Variants in HNRNPM observed in about 807,000 individuals in gnomAD.
The protein encoded by HNRNPM is heterogeneous nuclear ribonucleoprotein M, also known as CEA receptor.
In HNRNPM, 11 loss-of-function variants were observed where a neutral mutation model predicts 73.1. The observed-to-expected ratio is 0.15, with a 90% CI of 0.09 to 0.25. The LOEUF (loss-of-function observed/expected upper bound fraction) is 0.25, where lower values mean the gene tolerates loss of function less well. Ranked by LOEUF, HNRNPM falls within the 10% of genes least tolerant of loss-of-function variation. HNRNPM has a pLI of 1.00. For synonymous variants in HNRNPM, 407 were observed against 355.2 expected (o/e 1.15, Z -1.64); for missense variants, 789 against 1,067.9 (o/e 0.74, Z 3.64).
intron 12 of HNRNPM, chr19:8,481,697 C>T (rs1970926900): frequency 6.6e-6 from 1 of 152,178 alleles, no homozygotes; most frequent in Admixed American, 6.6e-5. Context: ...AACTTAAAAA[C>T]CATGGTTTCA....
intron 3 of HNRNPM, among the ~76,000 whole-genome samples, chr19:8,463,057 G>C (rs1158109787): frequency 6.6e-6 from 1 of 152,170 alleles, no homozygotes; most frequent in African/African-American, 2.4e-5. Flanking sequence ...AATTGGCCTA[G>C]TTTAAAGAGA....
intron 12 of HNRNPM, among the ~76,000 whole-genome samples, chr19:8,477,455 C>G (rs542343444): frequency 6.6e-6 from 1 of 151,866 alleles, no homozygotes; most frequent in Non-Finnish European, 1.5e-5. Context: ...CTCAGGAGTT[C>G]AAGACCAGCC....
At chr19:8,468,711 T>G in intron 8 of HNRNPM, 63 bp from the exon 9 acceptor site, 1 of 1,296,250 alleles carries the variant, frequency 7.7e-7, no homozygotes, top group Non-Finnish European at 1.1e-6. Context: ...CATTTCAGTC[T>G]TTTGCTGTTG....
intron 15 of HNRNPM, 36 bp from the exon 16 acceptor site, chr19:8,488,655 G>A: frequency 6.3e-7 from 1 of 1,587,508 alleles, no homozygotes; most frequent in East Asian, 2.2e-5. Flanking sequence ...ACAAAATCGG[G>A]ACTGAGTGTC....
At chr19:8,453,835 G>T (rs1968801585) in intron 1 of HNRNPM, among the ~76,000 whole-genome samples, 1 of 152,186 alleles carries the variant, frequency 6.6e-6, no homozygotes, top group Admixed American at 6.5e-5. Context: ...GTCAGCCAGT[G>T]CCCGGGCTTC....
intron 5 of HNRNPM, 114 bp downstream of exon 5, chr19:8,463,800 CTGT>C (rs1847876337): frequency 5.8e-6 from 4 of 690,356 alleles, no homozygotes; most frequent in Non-Finnish European, 7.4e-6. Context: ...AAGTGCCAGC[CTGT>C]TGTTTCTAAT....
chr19:8,446,677 A>T (rs1311375545), intron 1 of HNRNPM, among the ~76,000 whole-genome samples: 1 of 152,182 alleles, frequency 6.6e-6, no homozygotes, highest in Non-Finnish European at 1.5e-5. Flanking sequence ...TGCTGAAGTT[A>T]CAGGCATGAG....
Position 8,466,306 on chromosome 19 carries a change from C to T in HNRNPM, c.702C>T (p.Asp234=). The T allele has an allele frequency of 6.2e-7, 1 of 1,614,058 alleles. No individual in the cohort carries two copies. The highest frequency in any genetic ancestry group is 8.5e-7 in the Non-Finnish European group (1 of 1,179,980). ...FSMAGVVVRA[D]ILEDKDGKSR... is the part of the protein sequence containing the mutation. ...TGGCTGGTGTGGTGGTCCGAGCAGA[C>T]ATTCTTGAAGATAAAGATGGAAAAA... The change falls in exon 7 of 16, where the codon GAC becomes GAT. Residue 234 remains aspartate (D), a synonymous_variant. Coordinates refer to ENST00000325495, the MANE Select transcript of HNRNPM (RefSeq NM_005968.5).
chr19:8,474,262 T>C lies in HNRNPM; in HGVS notation c.1120+18T>C. On this transcript the variant is annotated intron_variant, in intron 12 of 15. Transcript: ENST00000325495. ...GATAAATGGTAAGCATCGTGTTTTCTTCCTGCTTTCACTCACCCTTTGCCG... is the reference window on the plus strand; with the variant it reads ...GATAAATGGTAAGCATCGTGTTTTCCTCCTGCTTTCACTCACCCTTTGCCG... The C allele has an allele frequency of 6.4e-7, 1 of 1,554,480 alleles. No homozygotes were observed. The highest frequency in any genetic ancestry group is 1.2e-5 in the South Asian group (1 of 83,050).
At chr19:8,463,916 G>T (rs543153329) in intron 5 of HNRNPM, 13 of 499,774 alleles carry the variant, frequency 2.6e-5, no homozygotes, top group Non-Finnish European at 4.7e-5. Flanking sequence ...TAATATCTGT[G>T]ATTTGTCTGA....
At chr19:8,468,175 T>C (rs915629899) in intron 8 of HNRNPM, among the ~76,000 whole-genome samples, 6 of 152,354 alleles carry the variant, frequency 3.9e-5, no homozygotes, top group Admixed American at 3.9e-4. Context: ...TTTCAAAGAA[T>C]GGTTATATAT....
rs758037388 is a variant in HNRNPM, at chr19:8,488,662, T to TGTC, written c.2030-25_2030-23dup. 2.3e-5 allele frequency: 36 copies of TGTC among 1,593,524 alleles called. No individual in the cohort carries two copies. The Admixed American group carries it at 6.1e-4, about 27-fold the overall frequency. On this transcript the variant is annotated intron_variant, in intron 15 of 15. Transcript: ENST00000325495. ...AAAATCTAACAAAATCGGGACTGAG[T>TGTC]GTCGTCTCTTCTTCCCTCCCTGTCC... is the stretch of plus-strand genomic sequence containing the variant.
Position 8,486,129 on chromosome 19 carries a change from C to T in HNRNPM, c.1701C>T (p.Gly567=). 1 of 1,606,282 alleles carries T rather than the reference C, an allele frequency of 6.2e-7. No individual in the cohort carries two copies. Among genetic ancestry groups the T allele is most frequent in the Non-Finnish European group, 8.5e-7 (1 of 1,179,506 alleles). ...GCGCCAACAATCTGGAGCGGATGGGCCTGGAGCGCATGGGCGCCAACAGCC... is the reference window on the plus strand; with the variant it reads ...GCGCCAACAATCTGGAGCGGATGGGTCTGGAGCGCATGGGCGCCAACAGCC... The part of the protein sequence containing the change: ...RMGANNLERM[G]LERMGANSLE... The change falls in exon 14 of 16, where the codon GGC becomes GGT. Residue 567 remains glycine, a synonymous_variant. Transcript: ENST00000325495.
chr19:8,459,883 A>G (rs1469967762), intron 2 of HNRNPM, among the ~76,000 whole-genome samples: 2 of 152,256 alleles, frequency 1.3e-5, no homozygotes, highest in Non-Finnish European at 2.9e-5. Flanking sequence ...ATAGAGGTAG[A>G]TAACAGTTGG....
At chr19:8,477,401 T>C (rs1970583578) in intron 12 of HNRNPM, among the ~76,000 whole-genome samples, 1 of 152,104 alleles carries the variant, frequency 6.6e-6, no homozygotes. Flanking sequence ...CTCACACCTG[T>C]TATCCCAACA....
In HNRNPM at chr19:8,485,802, C is replaced by T. The variant is rs1339938631; in HGVS notation, c.1374C>T (p.Gly458=). 1.2e-6 allele frequency: 2 copies of T among 1,603,468 alleles called. No individual in the cohort carries two copies. The highest frequency in any genetic ancestry group is 2.2e-5 in the East Asian group (1 of 44,746). Residue 458 remains glycine, a synonymous_variant, in exon 14 of 16, where the codon GGC becomes GGT. Transcript: ENST00000325495. The part of the protein sequence containing the change: ...ERMGSGIERM[G]PLGLDHMASS... ...TGGGCTCCGGCATTGAGCGCATGGG[C>T]CCGCTGGGCCTCGACCACATGGCCT...
intron 2 of HNRNPM, among the ~76,000 whole-genome samples, chr19:8,456,007 G>A (rs1258924021): frequency 6.8e-6 from 1 of 147,810 alleles, no homozygotes; most frequent in Non-Finnish European, 1.5e-5. Flanking sequence ...AAATTTTGTG[G>A]ATGTCTTCCT....
Position 8,462,420 on chromosome 19 carries a change from C to T in HNRNPM, c.284-109C>T. ...AGAATATGGAGTGTTTCTGGGCTTT[C>T]TTATAAGGCAGAGGCTCCATACAAG... On this transcript the variant is annotated intron_variant, in intron 2 of 15. Transcript: ENST00000325495. The surrounding 1 kb of genome is among the most constrained non-coding windows in gnomAD (Gnocchi z 4.5). 1 of 922,374 alleles carries T rather than the reference C, an allele frequency of 1.1e-6. No individual in the cohort carries two copies. The highest frequency in any genetic ancestry group is 1.8e-5 in the Admixed American group (1 of 56,240). 57.1% of individuals were successfully genotyped at this position (922,374 alleles called of 1,614,324 possible).
chr19:8,472,450 C>G (rs982736855), intron 10 of HNRNPM, among the ~76,000 whole-genome samples: 1 of 152,178 alleles, frequency 6.6e-6, no homozygotes, highest in Admixed American at 6.5e-5. Flanking sequence ...CTTCAAATGG[C>G]TGTTAACGTT....
Sources: gnomAD v4.1 joint callset for allele counts (sites outside exome capture counted in the v4.1 genomes callset) on GRCh38, gnomAD v4.1.1 for gene constraint, Gnocchi (gnomAD v3.1) non-coding constraint, MANE v1.5 for transcripts, NCBI Gene and HGNC (gene_info 2026-07-23, HGNC 2026-07-21) for gene names.